ARL8B: variants seen among roughly 807,000 people sequenced by gnomAD.
The protein encoded by ARL8B is ADP-ribosylation factor-like protein 8B.
Under a neutral mutation model 30.6 loss-of-function variants are expected in ARL8B, and 9 were observed. The ratio of observed to expected loss-of-function variants is 0.29; its 90% CI spans 0.18 to 0.51. The LOEUF (loss-of-function observed/expected upper bound fraction) is 0.51, where lower values mean the gene tolerates loss of function less well. ARL8B is among the 20% of genes least tolerant of loss of function. ARL8B has a pLI of 0.97. For missense variants in ARL8B, 130 were observed against 227.2 expected, an observed-to-expected ratio of 0.57 and a Z score of 2.75; for synonymous variants, 74 against 76.0, an observed-to-expected ratio of 0.97 and a Z score of 0.14.
At chr3:5,144,949 T>C (rs188747733) in intron 1 of ARL8B, among the ~76,000 whole-genome samples, 17 of 152,322 alleles carry the variant, frequency 1.1e-4, no homozygotes, top group Admixed American at 8.5e-4. Flanking sequence ...ATATAGTGCC[T>C]TCTTGGCCTT....
intron 1 of ARL8B, among the ~76,000 whole-genome samples, chr3:5,131,233 G>A (rs150659857): frequency 3.9e-5 from 6 of 151,922 alleles, no homozygotes; most frequent in African/African-American, 9.7e-5. Flanking sequence ...CATTTTGTCC[G>A]GAGAATGTTT....
At chr3:5,122,638 G>T (rs574644105) in intron 1 of ARL8B, 50 bp downstream of exon 1, 1 of 1,558,996 alleles carries the variant, frequency 6.4e-7, no homozygotes, top group Non-Finnish European at 8.7e-7. Context: ...CAGGAGTCCG[G>T]CCCGGCGCTT....
intron 1 of ARL8B, among the ~76,000 whole-genome samples, chr3:5,144,989 T>C (rs902151630): frequency 6.6e-6 from 1 of 152,224 alleles, no homozygotes. Flanking sequence ...GTTAAAAGCA[T>C]ATAATTCACA....
intron 1 of ARL8B, among the ~76,000 whole-genome samples, chr3:5,149,720 C>T (rs541274275): frequency 6.6e-6 from 1 of 152,288 alleles, no homozygotes; most frequent in Admixed American, 6.5e-5. Flanking sequence ...TCATGACCTT[C>T]TAGGTGCATG....
chr3:5,167,551 C>G (rs2106569273), intron 1 of ARL8B, among the ~76,000 whole-genome samples: 1 of 152,310 alleles, frequency 6.6e-6, no homozygotes, highest in African/African-American at 2.4e-5. Flanking sequence ...TTTTTCTACT[C>G]TTTCCCCCCC....
intron 1 of ARL8B, among the ~76,000 whole-genome samples, chr3:5,168,990 C>T (rs972373182): frequency 2.0e-5 from 3 of 152,092 alleles, no homozygotes; most frequent in African/African-American, 7.2e-5. Context: ...AATATAATCA[C>T]GATTTAGCCA....
intron 1 of ARL8B, among the ~76,000 whole-genome samples, chr3:5,129,058 T>C (rs2054258132): frequency 6.6e-6 from 1 of 152,256 alleles, no homozygotes; most frequent in Admixed American, 6.5e-5. Flanking sequence ...CTGCACTTCC[T>C]GAGGATGTGT....
In ARL8B at chr3:5,173,724, A is replaced by G. The variant is rs1029723532; in HGVS notation, c.373-293A>G. On this transcript the variant is annotated intron_variant, in intron 4 of 6. Coordinates refer to ENST00000256496, the MANE Select transcript of ARL8B (RefSeq NM_018184.3). ...AGCGAGACTCTGTCTCAAACAAACA[A>G]ACAAACAAACAAACAAACAAAAAGA... is the stretch of plus-strand genomic sequence containing the variant. Among the ~76,000 whole-genome samples, 4 of 151,964 alleles carry G rather than the reference A, an allele frequency of 2.6e-5. No homozygotes were observed. The South Asian group carries it at 8.3e-4, about 32-fold the overall frequency.
In ARL8B at chr3:5,158,699, G is replaced by C. The variant is rs78685764; in HGVS notation, c.124-11804G>C. Among the ~76,000 whole-genome samples the C allele has an allele frequency of 8.9e-3, 1,348 of 152,256 alleles. 17 individuals carry two copies. The highest frequency in any genetic ancestry group is 0.03 in the African/African-American group (1,258 of 41,530). On this transcript the variant is annotated intron_variant, in intron 1 of 6. Transcript: ENST00000256496. ...CTGAAAAAATGAACAGGGTCTCTTA[G>C]AGTAATTCGAGAGCCACTGAAACTC...
At chr3:5,163,229 C>T (rs1361464477) in intron 1 of ARL8B, among the ~76,000 whole-genome samples, 2 of 151,990 alleles carry the variant, frequency 1.3e-5, no homozygotes, top group Non-Finnish European at 2.9e-5. Context: ...TCAGGTGATC[C>T]GCCCGCCTCA....
chr3:5,162,075 G>A (rs1241150099), intron 1 of ARL8B, among the ~76,000 whole-genome samples: 1 of 152,230 alleles, frequency 6.6e-6, no homozygotes, highest in Non-Finnish European at 1.5e-5. Flanking sequence ...TGTGTATGCT[G>A]TCAAGGCACA....
At chr3:5,156,526 C>G (rs2054534888) in intron 1 of ARL8B, among the ~76,000 whole-genome samples, 1 of 152,274 alleles carries the variant, frequency 6.6e-6, no homozygotes, top group East Asian at 1.9e-4. Context: ...AAGCGATACT[C>G]TTGCCTCAGC....
chr3:5,122,696 C>A, intron 1 of ARL8B, 108 bp downstream of exon 1: 3 of 1,278,076 alleles, frequency 2.3e-6, no homozygotes, highest in Admixed American at 2.8e-5. Flanking sequence ...GGACTGATGG[C>A]GGGGGGCGTG....
chr3:5,164,995 T>C lies in ARL8B; in HGVS notation c.124-5508T>C, dbSNP rs913791358. Among the ~76,000 whole-genome samples the C allele has an allele frequency of 6.6e-5, 10 of 152,218 alleles. No individual in the cohort carries two copies. In the East Asian group the frequency reaches 1.7e-3, roughly 26 times the overall value. ...TGTTATATATTCTCAGCTGGAATAC[T>C]ACATAGGGGATATTGTGTCCTTCTA... On this transcript the variant is annotated intron_variant, in intron 1 of 6. Coordinates refer to ENST00000256496, the MANE Select transcript of ARL8B (RefSeq NM_018184.3).
rs1037021167 is a variant in ARL8B, at chr3:5,122,392, G to A, written c.-74G>A. Reference sequence around the variant, plus strand: ...GGAGCCGTTGGAGGGTCCGGGCGGAGGCCCGCTCGTGTGGAAGTCGTCGAC... The same window carrying A: ...GGAGCCGTTGGAGGGTCCGGGCGGAAGCCCGCTCGTGTGGAAGTCGTCGAC... On this transcript the variant is annotated 5_prime_UTR_variant, in exon 1 of 7. Transcript: ENST00000256496. 15 of 1,600,640 alleles carry A rather than the reference G, an allele frequency of 9.4e-6. No homozygotes were observed. The Middle Eastern group carries it at 6.7e-4, about 71-fold the overall frequency.
At chr3:5,135,766 T>TATTATC (rs2054319645) in intron 1 of ARL8B, among the ~76,000 whole-genome samples, 1 of 49,168 alleles carries the variant, frequency 2.0e-5, no homozygotes. Context: ...CTATTATTAT[T>TATTATC]ATTATTATTA....
At chr3:5,166,761 C>A (rs1020053956) in intron 1 of ARL8B, among the ~76,000 whole-genome samples, 1 of 152,218 alleles carries the variant, frequency 6.6e-6, no homozygotes, top group African/African-American at 2.4e-5. Context: ...CCATTTGTCT[C>A]ATTTCTGAGA....
chr3:5,122,730 G>A lies in ARL8B; in HGVS notation c.123+142G>A, dbSNP rs1310288142. The stretch of plus-strand genomic sequence containing the variant: ...TGCGAAGCTGGGCCTGTCATCTCCC[G>A]AGGGCCAGCATTTGGAATTTCCCGC... On this transcript the variant is annotated intron_variant, in intron 1 of 6. Transcript: ENST00000256496. 4.1e-6 allele frequency: 4 copies of A among 977,374 alleles called. No homozygotes were observed. In the Admixed American group the frequency reaches 9.0e-5, roughly 22 times the overall value. The allele number at this position is 977,374 out of a possible 1,614,324, so 60.5% of individuals were successfully genotyped here. A position where few individuals can be genotyped will look rare whatever the true frequency, so the allele number is the denominator to read the frequency against.
In ARL8B at chr3:5,171,991, A is replaced by G. The variant is rs1016868015; in HGVS notation, c.205-159A>G. The stretch of plus-strand genomic sequence containing the variant: ...TAGAAGTGGCCCCAAGAATTCCCAT[A>G]TTAAGAGCTTGTTTGAGGTCAAGTC... On this transcript the variant is annotated intron_variant, in intron 2 of 6. Transcript: ENST00000256496. 6.6e-5 allele frequency among the ~76,000 whole-genome samples: 10 copies of G among 152,384 alleles called. No individual in the cohort carries two copies. The East Asian group carries it at 1.7e-3, about 26-fold the overall frequency.
Sources: allele counts gnomAD v4.1 joint callset (sites outside exome capture counted in the v4.1 genomes callset), GRCh38; gene constraint gnomAD v4.1.1; transcripts MANE v1.5; gene names NCBI Gene and HGNC (gene_info 2026-07-23, HGNC 2026-07-21).